PPP2R2B: variants seen among roughly 807,000 people sequenced by gnomAD.
PPP2R2B encodes the protein serine/threonine-protein phosphatase 2A 55 kDa regulatory subunit B beta isoform.
PPP2R2B carries 5 observed loss-of-function variants against 46.0 expected under a neutral mutation model. That is an observed-to-expected ratio of 0.11 (90% CI 0.06 to 0.23). The LOEUF (loss-of-function observed/expected upper bound fraction) is 0.23. Among genes scored for constraint, PPP2R2B ranks in the 10% least tolerant of loss-of-function variants. The probability of loss-of-function intolerance (pLI) is 1.00; values close to 1 mark genes in which losing one functional copy is unlikely to be tolerated. For synonymous variants in PPP2R2B, 215 were observed against 206.7 expected (o/e 1.04, Z -0.34); for missense variants, 367 against 575.0 (o/e 0.64, Z 3.70).
intron 2 of PPP2R2B, among the ~76,000 whole-genome samples, chr5:146,860,075 C>T (rs1213454323): frequency 2.0e-5 from 3 of 152,146 alleles, no homozygotes; most frequent in African/African-American, 7.2e-5. Context: ...TTACCTTTAT[C>T]TTGGACTATG....
chr5:146,965,422 G>C (rs1228267909), intron 1 of PPP2R2B, among the ~76,000 whole-genome samples: 1 of 152,188 alleles, frequency 6.6e-6, no homozygotes, highest in Non-Finnish European at 1.5e-5. Flanking sequence ...AGTGCAGAGA[G>C]TGGTTCAGGT....
intron 2 of PPP2R2B, among the ~76,000 whole-genome samples, chr5:146,756,164 AGTTTT>A (rs780340697): frequency 4.6e-5 from 7 of 152,158 alleles, no homozygotes; most frequent in Non-Finnish European, 7.4e-5. Context: ...CTGAATCAGT[AGTTTT>A]GTAACATAAG....
intron 2 of PPP2R2B, among the ~76,000 whole-genome samples, chr5:146,873,675 G>A (rs1221311831): frequency 2.0e-5 from 3 of 151,932 alleles, no homozygotes; most frequent in Non-Finnish European, 1.5e-5. Flanking sequence ...GCGGTGTCGC[G>A]ACCTCGGCTC....
chr5:146,889,818 C>T (rs1762439236), intron 1 of PPP2R2B, among the ~76,000 whole-genome samples: 1 of 152,092 alleles, frequency 6.6e-6, no homozygotes. Context: ...GGGATTCCAC[C>T]CTCAAACTTA....
At chr5:146,731,930 T>C (rs1209587350) in intron 2 of PPP2R2B, among the ~76,000 whole-genome samples, 1 of 152,194 alleles carries the variant, frequency 6.6e-6, no homozygotes, top group East Asian at 1.9e-4. Context: ...AGCTATAGCC[T>C]TTCTTTTTGA....
At chr5:146,895,675 T>C (rs998904437) in intron 1 of PPP2R2B, among the ~76,000 whole-genome samples, 1 of 152,212 alleles carries the variant, frequency 6.6e-6, no homozygotes, top group Non-Finnish European at 1.5e-5. Context: ...ATGGTTGAGA[T>C]AAAAAATTTT....
At chr5:146,983,393 G>C (rs1384551774) in intron 1 of PPP2R2B, among the ~76,000 whole-genome samples, 6 of 151,984 alleles carry the variant, frequency 3.9e-5, no homozygotes, top group Non-Finnish European at 8.8e-5. Context: ...TGTTAGCCAG[G>C]ATGGTCTTGA....
In PPP2R2B at chr5:146,821,764, C is replaced by A. The variant is rs567646440; in HGVS notation, c.70+56238G>T. On this transcript the variant is annotated intron_variant, in intron 2 of 9. Coordinates refer to ENST00000394411, the MANE Select transcript of PPP2R2B (RefSeq NM_181675.4). The stretch of plus-strand genomic sequence containing the variant: ...ATTAAAACTATTTAGACCTCATGTG[C>A]CTAGTACTCTGCCAAAAAAAAAAAA... Among the ~76,000 whole-genome samples, 160 of 149,976 alleles carry A rather than the reference C, an allele frequency of 1.1e-3. 1 individual carries two copies. The highest frequency in any genetic ancestry group is 2.4e-3 in the African/African-American group (97 of 40,116).
chr5:147,055,610 A>G, intron 1 of PPP2R2B: 2 of 1,492,696 alleles, frequency 1.3e-6, no homozygotes, highest in South Asian at 2.3e-5. Context: ...GTGGGAAGTC[A>G]GACACCAGCC....
intron 6 of PPP2R2B, among the ~76,000 whole-genome samples, chr5:146,638,784 T>A (rs1410052057): frequency 6.6e-6 from 1 of 152,246 alleles, no homozygotes; most frequent in Admixed American, 6.5e-5. Context: ...ATTAAGGTAC[T>A]GGTCCTATTA....
At chr5:146,927,536 C>T (rs2915834) in intron 1 of PPP2R2B, among the ~76,000 whole-genome samples, 1 of 152,138 alleles carries the variant, frequency 6.6e-6, no homozygotes, top group African/African-American at 2.4e-5. Context: ...AGGCTTGTGG[C>T]CTTTCCTGCA....
chr5:146,710,536 AAGTCTCTG>A (rs1381457306), intron 2 of PPP2R2B, among the ~76,000 whole-genome samples: 1 of 152,250 alleles, frequency 6.6e-6, no homozygotes, highest in Non-Finnish European at 1.5e-5. Context: ...TAAAAATTAT[AAGTCTCTG>A]AGTACAGAAA....
intron 2 of PPP2R2B, among the ~76,000 whole-genome samples, chr5:147,077,979 T>C (rs540993106): frequency 1.3e-5 from 2 of 152,336 alleles, no homozygotes; most frequent in South Asian, 4.1e-4. Flanking sequence ...AGAGTCTCTA[T>C]TTTCAAAACA....
intron 2 of PPP2R2B, among the ~76,000 whole-genome samples, chr5:146,797,119 T>G (rs1444196971): frequency 6.6e-6 from 1 of 152,190 alleles, no homozygotes; most frequent in Non-Finnish European, 1.5e-5. Context: ...ACAGGCACTG[T>G]TCCACTGAAA....
At chr5:146,656,149 T>A (rs569039466) in intron 5 of PPP2R2B, among the ~76,000 whole-genome samples, 1 of 152,138 alleles carries the variant, frequency 6.6e-6, no homozygotes, top group Non-Finnish European at 1.5e-5. Flanking sequence ...TATGTGTACA[T>A]GAGGAAAACC....
At chr5:146,643,165 A>T (rs981907625) in intron 6 of PPP2R2B, among the ~76,000 whole-genome samples, 2 of 151,936 alleles carry the variant, frequency 1.3e-5, no homozygotes, top group African/African-American at 4.8e-5. Context: ...ACCACGTAAA[A>T]GATATTACAC....
chr5:146,675,728 T>A (rs774440621), intron 5 of PPP2R2B, among the ~76,000 whole-genome samples: 1 of 152,030 alleles, frequency 6.6e-6, no homozygotes, highest in Non-Finnish European at 1.5e-5. Context: ...TGGGGCTCAG[T>A]TTTCTTTGCA....
At chr5:146,741,069 A>G (rs1752848950) in intron 2 of PPP2R2B, among the ~76,000 whole-genome samples, 1 of 150,814 alleles carries the variant, frequency 6.6e-6, no homozygotes, top group South Asian at 2.1e-4. Flanking sequence ...TTTGGGTCCC[A>G]CCCCAGTTCT....
chr5:146,979,948 A>T (rs1351316826), intron 1 of PPP2R2B, among the ~76,000 whole-genome samples: 1 of 152,234 alleles, frequency 6.6e-6, no homozygotes, highest in Non-Finnish European at 1.5e-5. Flanking sequence ...AGAAAATGGT[A>T]CGTGTGTGTA....
Sources: allele counts gnomAD v4.1 joint callset (sites outside exome capture counted in the v4.1 genomes callset), GRCh38; gene constraint gnomAD v4.1.1; transcripts MANE v1.5; gene names NCBI Gene and HGNC (gene_info 2026-07-23, HGNC 2026-07-21).